EEA1: variants seen among roughly 807,000 people sequenced by gnomAD.
EEA1 encodes early endosome antigen 1, also known as early endosome antigen 1, 162kD.
EEA1 carries 111 observed loss-of-function variants against 209.2 expected under a neutral mutation model. The observed-to-expected ratio is 0.53, with a 90% CI of 0.45 to 0.62. The LOEUF is 0.62. EEA1 is among the 20% of genes least tolerant of loss of function. The pLI is 0.00. For missense variants in EEA1, 1,343 were observed against 1,530.8 expected (o/e 0.88, Z 2.05); for synonymous variants, 536 against 540.6 (o/e 0.99, Z 0.12).
chr12:92,845,303 C>CT (rs1034049949), intron 9 of EEA1, among the ~76,000 whole-genome samples: 1 of 152,110 alleles, frequency 6.6e-6, no homozygotes, highest in Non-Finnish European at 1.5e-5. Context: ...TCTGGAAAGG[C>CT]TTCCCCTTTT....
intron 1 of EEA1, among the ~76,000 whole-genome samples, chr12:92,924,451 C>A (rs1881132892): frequency 6.6e-6 from 1 of 152,052 alleles, no homozygotes; most frequent in Non-Finnish European, 1.5e-5. Context: ...TCAGGTGATC[C>A]ACCCACCTCA....
intron 8 of EEA1, among the ~76,000 whole-genome samples, chr12:92,851,772 T>C (rs1427960134): frequency 1.3e-5 from 2 of 152,064 alleles, no homozygotes; most frequent in African/African-American, 4.8e-5. Context: ...ATAACAGAAA[T>C]ACAGTAATGA....
intron 16 of EEA1, among the ~76,000 whole-genome samples, chr12:92,811,762 C>T (rs1384070227): frequency 6.6e-6 from 1 of 151,362 alleles, no homozygotes; most frequent in Non-Finnish European, 1.5e-5. Context: ...TAAATATTTT[C>T]AATGTTCAAG....
intron 21 of EEA1, among the ~76,000 whole-genome samples, chr12:92,793,277 C>T (rs554591761): frequency 4.1e-4 from 62 of 152,218 alleles, no homozygotes; most frequent in South Asian, 2.5e-3. Context: ...GAAGTTCTGG[C>T]CAGGGCAATC....
At chr12:92,870,151 C>T (rs985453158) in intron 2 of EEA1, among the ~76,000 whole-genome samples, 1 of 152,120 alleles carries the variant, frequency 6.6e-6, no homozygotes, top group Admixed American at 6.6e-5. Context: ...TATTATCTCC[C>T]TCACCTGCCA....
rs769738204 is a variant in EEA1 at position 92,788,071 on chromosome 12, T to G, written c.2968-22A>C. On this transcript the variant is annotated intron_variant, in intron 21 of 28. Transcript: ENST00000322349. ...CTGTCTGAAACATACAATAGTTATT[T>G]AAAACAGTATGCATTCCAAAAACCA... is the stretch of plus-strand genomic sequence containing the variant. 2.0e-6 allele frequency: 3 copies of G among 1,505,502 alleles called. No homozygotes were observed. The African/African-American group carries it at 4.3e-5, about 21-fold the overall frequency. 93.3% of individuals were successfully genotyped at this position (1,505,502 alleles called of 1,614,324 possible).
At chr12:92,881,827 AT>A (rs1458815213) in intron 2 of EEA1, among the ~76,000 whole-genome samples, 17 of 152,220 alleles carry the variant, frequency 1.1e-4, no homozygotes, top group African/African-American at 3.9e-4. Context: ...TACATTATGT[AT>A]TACATATATT....
chr12:92,777,348 G>A (rs1873700883), intron 27 of EEA1, among the ~76,000 whole-genome samples, 195 bp downstream of exon 27: 1 of 151,866 alleles, frequency 6.6e-6, no homozygotes, highest in South Asian at 2.1e-4. Flanking sequence ...GCTTTCTAAT[G>A]AATCTCTGAG....
At chr12:92,903,188 C>T (rs1372487013) in intron 1 of EEA1, among the ~76,000 whole-genome samples, 5 of 151,810 alleles carry the variant, frequency 3.3e-5, no homozygotes, top group African/African-American at 9.7e-5. Context: ...CCGCCCACCT[C>T]GGCCTCCCAA....
At chr12:92,899,212 G>A (rs962699458) in intron 1 of EEA1, among the ~76,000 whole-genome samples, 8 of 151,558 alleles carry the variant, frequency 5.3e-5, no homozygotes, top group East Asian at 1.9e-4. Context: ...CCCACTACCC[G>A]AAATGATGAA....
chr12:92,921,208 A>G (rs1374344382), intron 1 of EEA1, among the ~76,000 whole-genome samples: 1 of 145,158 alleles, frequency 6.9e-6, no homozygotes, highest in Non-Finnish European at 1.5e-5. Flanking sequence ...TCAGGGATCT[A>G]GAACTAGAAA....
Position 92,828,046 on chromosome 12 carries a change from G to C in EEA1, c.1270C>G (p.Leu424Val). 8.3e-6 allele frequency: 13 copies of C among 1,567,178 alleles called. No individual in the cohort carries two copies. Among genetic ancestry groups the C allele is most frequent in the Non-Finnish European group, 1.0e-5 (12 of 1,162,128 alleles). ...SEINQLHSKL[L>V]ETERQLGEAH... ...TCCCCTAGTTGGCGCTCTGTCTCCAGAAGTTTGCTATGTAACTTTAAAAAA... is the reference window on the plus strand; with the variant it reads ...TCCCCTAGTTGGCGCTCTGTCTCCACAAGTTTGCTATGTAACTTTAAAAAA... Residue 424 changes from leucine to valine, a missense_variant, in exon 12 of 29, where the codon CTG (leucine) becomes GTG (valine). Physicochemically the swap from Leu to Val is conservative, Grantham distance 32. Transcript: ENST00000322349.
chr12:92,909,834 T>C (rs1483634274), intron 1 of EEA1, among the ~76,000 whole-genome samples: 6 of 151,722 alleles, frequency 4.0e-5, no homozygotes, highest in South Asian at 2.1e-4. Flanking sequence ...CTGGGCAACA[T>C]GGTGAGACCC....
At chr12:92,818,224 C>T (rs941528284) in intron 14 of EEA1, among the ~76,000 whole-genome samples, 4 of 152,140 alleles carry the variant, frequency 2.6e-5, no homozygotes, top group South Asian at 2.1e-4. Flanking sequence ...CTCACATCCT[C>T]GGTTCAATAA....
At chr12:92,899,316 A>G (rs1446877765) in intron 1 of EEA1, among the ~76,000 whole-genome samples, 1 of 152,234 alleles carries the variant, frequency 6.6e-6, no homozygotes, top group Non-Finnish European at 1.5e-5. Flanking sequence ...CCACCAATCT[A>G]GATCAAATCT....
chr12:92,915,506 T>C (rs1880732154), intron 1 of EEA1, among the ~76,000 whole-genome samples: 1 of 152,054 alleles, frequency 6.6e-6, no homozygotes, highest in African/African-American at 2.4e-5. Context: ...CAAAAAAAGC[T>C]GGAAGGTACT....
At chr12:92,888,573 T>A (rs1210767359) in intron 2 of EEA1, among the ~76,000 whole-genome samples, 5 of 144,356 alleles carry the variant, frequency 3.5e-5, no homozygotes, top group African/African-American at 7.7e-5. Flanking sequence ...CCAGACTCCA[T>A]CTAAAAAAAC....
intron 3 of EEA1, 99 bp from the exon 4 acceptor site, chr12:92,857,584 G>T: frequency 2.9e-6 from 2 of 695,478 alleles, no homozygotes; most frequent in Non-Finnish European, 4.4e-6. Flanking sequence ...TAATATTATA[G>T]TTTTTTCAAT....
chr12:92,863,119 A>C (rs1418015572), intron 3 of EEA1, among the ~76,000 whole-genome samples: 2 of 152,214 alleles, frequency 1.3e-5, no homozygotes, highest in Non-Finnish European at 2.9e-5. Flanking sequence ...AAATTATCAC[A>C]ATGGTATGTC....
Sources: gnomAD v4.1 joint callset for allele counts (sites outside exome capture counted in the v4.1 genomes callset) on GRCh38, gnomAD v4.1.1 for gene constraint, MANE v1.5 for transcripts, NCBI Gene and HGNC (gene_info 2026-07-23, HGNC 2026-07-21) for gene names.